Variants in BTBD9 observed in about 807,000 individuals in gnomAD.
The protein encoded by BTBD9 is BTB domain containing 9.
Under a neutral mutation model 64.3 loss-of-function variants are expected in BTBD9, and 49 were observed. The observed-to-expected ratio is 0.76, with a 90% confidence interval of 0.61 to 0.97. BTBD9 has a LOEUF of 0.97. BTBD9 is among the 50% of genes least tolerant of loss of function. The pLI, the probability that BTBD9 is intolerant of heterozygous loss-of-function variation, is 0.00. For missense variants in BTBD9, 598 were observed against 762.1 expected, an observed-to-expected ratio of 0.78 and a Z score of 2.53; for synonymous variants, 260 against 274.7, an observed-to-expected ratio of 0.95 and a Z score of 0.53.
At position 38,572,371 on chromosome 6, in the gene BTBD9, G is replaced by T. The variant is rs553386080; in HGVS notation, c.1154+5229C>A. Among the ~76,000 whole-genome samples the T allele has an allele frequency of 1.8e-4, 27 of 152,156 alleles. 1 individual carries two copies. In the East Asian group the frequency reaches 5.2e-3, roughly 29 times the overall value. ...GTGAAGCATGCCTAAATTTCCTGTT[G>T]TAAGTGAAAGTAGAACCATTCTAGT... is the stretch of plus-strand genomic sequence containing the variant. On this transcript the variant is annotated intron_variant, in intron 6 of 10. Coordinates refer to ENST00000481247, the MANE Select transcript of BTBD9 (RefSeq NM_001099272.2).
chr6:38,180,174 G>C (rs1344087571), intron 10 of BTBD9, among the ~76,000 whole-genome samples: 1 of 152,230 alleles, frequency 6.6e-6, no homozygotes, highest in African/African-American at 2.4e-5. Flanking sequence ...GAAATCCTCA[G>C]ATTTGCACGC....
At chr6:38,462,382 A>T (rs1223235538) in intron 6 of BTBD9, among the ~76,000 whole-genome samples, 1 of 152,206 alleles carries the variant, frequency 6.6e-6, no homozygotes, top group Non-Finnish European at 1.5e-5. Flanking sequence ...TTTACATATG[A>T]ATATCCATTT....
intron 10 of BTBD9, among the ~76,000 whole-genome samples, chr6:38,180,082 A>G (rs1761478643): frequency 6.6e-6 from 1 of 152,216 alleles, no homozygotes; most frequent in South Asian, 2.1e-4. Context: ...GCAACTGTGT[A>G]AGCCAATACC....
chr6:38,617,990 CG>C, intron 1 of BTBD9, among the ~76,000 whole-genome samples: 1 of 152,326 alleles, frequency 6.6e-6, no homozygotes, highest in Non-Finnish European at 1.5e-5. Flanking sequence ...TGACCTTCCT[CG>C]GTCCTCTTTG....
chr6:38,231,048 T>C (rs1676631444), intron 9 of BTBD9, among the ~76,000 whole-genome samples: 1 of 152,212 alleles, frequency 6.6e-6, no homozygotes, highest in Admixed American at 6.5e-5. Flanking sequence ...GCTCAATTAT[T>C]ATTTGTTGAA....
At chr6:38,604,459 A>G (rs554421745) in intron 1 of BTBD9, among the ~76,000 whole-genome samples, 37 of 152,334 alleles carry the variant, frequency 2.4e-4, no homozygotes, top group Middle Eastern at 3.4e-3. Context: ...GATTCATTCA[A>G]TTAAAGATTT....
rs143338631 is a variant in BTBD9 at position 38,277,988 on chromosome 6, G to A, written c.1454+10284C>T. 2.4e-3 allele frequency among the ~76,000 whole-genome samples: 371 copies of A among 152,288 alleles called. 2 individuals are homozygous for A. Among genetic ancestry groups the A allele is most frequent in the African/African-American group, 8.3e-3 (345 of 41,552 alleles). ...TTAGCCAACCTTGCTAGGGCTGACC[G>A]TATGACATAGTTCTACCTAATAATT... On this transcript the variant is annotated intron_variant, in intron 8 of 10. Transcript: ENST00000481247.
intron 6 of BTBD9, among the ~76,000 whole-genome samples, chr6:38,519,102 G>C (rs6924443): frequency 0.64 from 97,864 of 152,036 alleles, 32,104 homozygotes; most frequent in Middle Eastern, 0.78. Flanking sequence ...CTGCAGATAT[G>C]TATAGTTCTA....
chr6:38,593,865 G>GA (rs1776921247), intron 3 of BTBD9, 99 bp downstream of exon 3: 1 of 1,128,430 alleles, frequency 8.9e-7, no homozygotes, highest in Non-Finnish European at 1.3e-6. Context: ...TGATACCAAT[G>GA]ATTTTTTTTA....
chr6:38,573,620 T>C (rs944326574), intron 6 of BTBD9, among the ~76,000 whole-genome samples: 1 of 152,164 alleles, frequency 6.6e-6, no homozygotes, highest in African/African-American at 2.4e-5. Flanking sequence ...CTTTCTTCTC[T>C]CTCAACTCCC....
At chr6:38,554,287 G>A (rs911986406) in intron 6 of BTBD9, among the ~76,000 whole-genome samples, 2 of 152,178 alleles carry the variant, frequency 1.3e-5, no homozygotes, top group Non-Finnish European at 2.9e-5. Context: ...CACAAATCCT[G>A]TGAATGTTTT....
intron 2 of BTBD9, 115 bp downstream of exon 2, chr6:38,597,795 T>C (rs1777097809): frequency 1.2e-6 from 1 of 842,588 alleles, no homozygotes; most frequent in East Asian, 2.6e-5. Flanking sequence ...AGATATTGAA[T>C]TGAGAGACTG....
At chr6:38,343,077 G>C (rs763936772) in intron 7 of BTBD9, among the ~76,000 whole-genome samples, 7 of 152,210 alleles carry the variant, frequency 4.6e-5, no homozygotes, top group African/African-American at 9.7e-5. Context: ...GGGACAATAA[G>C]AGGCAGATGA....
chr6:38,559,246 C>A (rs1451089580), intron 6 of BTBD9, among the ~76,000 whole-genome samples: 1 of 151,736 alleles, frequency 6.6e-6, no homozygotes, highest in Non-Finnish European at 1.5e-5. Flanking sequence ...AATCAATGTA[C>A]AAAAATCAGT....
intron 9 of BTBD9, among the ~76,000 whole-genome samples, chr6:38,235,471 G>A (rs1763745107): frequency 6.6e-6 from 1 of 152,168 alleles, no homozygotes; most frequent in Non-Finnish European, 1.5e-5. Context: ...CTAGTGAGGA[G>A]GGCTCAGGTT....
At chr6:38,629,087 G>A (rs1778274575) in intron 1 of BTBD9, among the ~76,000 whole-genome samples, 1 of 151,080 alleles carries the variant, frequency 6.6e-6, no homozygotes, top group African/African-American at 2.4e-5. Flanking sequence ...AATAACATAA[G>A]AATCCATGAG....
chr6:38,635,090 G>A (rs1484345234), intron 1 of BTBD9, among the ~76,000 whole-genome samples: 1 of 151,938 alleles, frequency 6.6e-6, no homozygotes, highest in Non-Finnish European at 1.5e-5. Context: ...AAACTATGGG[G>A]GTGGGACCCA....
At chr6:38,457,614 G>A (rs1336637552) in intron 6 of BTBD9, among the ~76,000 whole-genome samples, 4 of 152,152 alleles carry the variant, frequency 2.6e-5, no homozygotes, top group African/African-American at 9.6e-5. Flanking sequence ...CTTCCATTTG[G>A]GAAGCTTGAG....
At chr6:38,633,593 G>T (rs1778431719) in intron 1 of BTBD9, among the ~76,000 whole-genome samples, 1 of 152,176 alleles carries the variant, frequency 6.6e-6, no homozygotes, top group South Asian at 2.1e-4. Context: ...GGCAGCCCAG[G>T]AGGTTAATGT....
Sources: gnomAD v4.1 joint callset for allele counts (sites outside exome capture counted in the v4.1 genomes callset) on GRCh38, gnomAD v4.1.1 for gene constraint, MANE v1.5 for transcripts, NCBI Gene and HGNC (gene_info 2026-07-23, HGNC 2026-07-21) for gene names.